Variants in MCCC1 observed in about 807,000 individuals in gnomAD.
MCCC1 encodes methylcrotonyl-CoA carboxylase subunit 1, also known as methylcrotonoyl-CoA carboxylase subunit alpha, mitochondrial.
Under a neutral mutation model 83.8 loss-of-function variants are expected in MCCC1, and 64 were observed. That is an observed-to-expected ratio of 0.76 (90% CI 0.62 to 0.94). The LOEUF is 0.94. MCCC1 is among the 40% of genes least tolerant of loss of function. MCCC1 has a pLI of 0.00. For missense variants in MCCC1, 807 were observed against 904.7 expected, an observed-to-expected ratio of 0.89 and a Z score of 1.39; for synonymous variants, 322 against 315.4, an observed-to-expected ratio of 1.02 and a Z score of -0.22.
upstream of MCCC1, among the ~76,000 whole-genome samples, chr3:183,101,030 T>A (rs1327191324): frequency 7.2e-5 from 11 of 152,262 alleles, no homozygotes; most frequent in Admixed American, 2.0e-4. Context: ...AATGGGGGAC[T>A]TAGCACCCGG....
chr3:183,099,193 C>T (rs1000563242), intron 1 of MCCC1, 159 bp downstream of exon 1: 10 of 762,048 alleles, frequency 1.3e-5, no homozygotes, highest in Non-Finnish European at 2.2e-5. Context: ...TTCCTCCCGA[C>T]GCCGTGACTG....
intron 9 of MCCC1, among the ~76,000 whole-genome samples, chr3:183,046,542 C>T (rs1483812008): frequency 3.3e-5 from 5 of 151,968 alleles, no homozygotes; most frequent in East Asian, 3.9e-4. Flanking sequence ...GGACCACAGG[C>T]GCACACCACT....
rs372410742 is a variant in MCCC1, at chr3:183,032,570, T to G, written c.1681+1421A>C. Reference sequence around the variant, plus strand: ...CTGAAGAGCTGTAACCCAATAAACTTGTGTGAACAAAATATTTGTTACTGG... The same window carrying G: ...CTGAAGAGCTGTAACCCAATAAACTGGTGTGAACAAAATATTTGTTACTGG... On this transcript the variant is annotated intron_variant, in intron 14 of 18. Transcript: ENST00000265594. Among the ~76,000 whole-genome samples the G allele has an allele frequency of 2.0e-4, 31 of 152,266 alleles. No homozygotes were observed. The South Asian group carries it at 2.1e-3, about 10-fold the overall frequency.
chr3:183,065,333 C>T (rs1384476063), intron 7 of MCCC1, among the ~76,000 whole-genome samples: 1 of 152,066 alleles, frequency 6.6e-6, no homozygotes, highest in East Asian at 1.9e-4. Flanking sequence ...GGATTCAGTT[C>T]CTGGCTTAGG....
At chr3:183,054,181 C>A (rs1715227652) in intron 8 of MCCC1, among the ~76,000 whole-genome samples, 1 of 141,952 alleles carries the variant, frequency 7.0e-6, no homozygotes, top group South Asian at 2.3e-4. Context: ...CATACCCAGC[C>A]AAGAAAATTT....
At chr3:183,059,512 C>G (rs1212132891) in intron 7 of MCCC1, among the ~76,000 whole-genome samples, 1 of 152,128 alleles carries the variant, frequency 6.6e-6, no homozygotes, top group African/African-American at 2.4e-5. Flanking sequence ...TTTAAACAAA[C>G]TGTTATCTGT....
chr3:183,075,184 ATG>A (rs1716978050), intron 4 of MCCC1, among the ~76,000 whole-genome samples: 1 of 152,166 alleles, frequency 6.6e-6, no homozygotes, highest in Admixed American at 6.5e-5. Context: ...ATACATGCAC[ATG>A]TGTCTTTATG....
chr3:183,022,537 G>A lies in MCCC1; in HGVS notation c.1749C>T (p.Phe583=), dbSNP rs2108441668. 6.2e-7 allele frequency: 1 copy of A among 1,613,116 alleles called. No individual in the cohort carries two copies. The highest frequency in any genetic ancestry group is 1.7e-5 in the Admixed American group (1 of 59,974). Residue 583 remains phenylalanine, a synonymous_variant, in exon 16 of 19, where the codon TTC becomes TTT. Coordinates refer to ENST00000265594, the MANE Select transcript of MCCC1 (RefSeq NM_020166.5). Reference sequence around the variant, plus strand: ...CGCTGTAAAGATTACCAAGGACTTGGAAAGTTTTATCTTCAATCTGAAAAA... The same window carrying A: ...CGCTGTAAAGATTACCAAGGACTTGAAAAGTTTTATCTTCAATCTGAAAAA... The part of the protein sequence containing the change: ...SYSMQIEDKT[F]QVLGNLYSEG...
At chr3:183,072,264 A>G in intron 5 of MCCC1, 102 bp downstream of exon 5, 1 of 1,356,268 alleles carries the variant, frequency 7.4e-7, no homozygotes. Context: ...CTCCTGCCTC[A>G]GTCTCCCAAA....
At chr3:183,067,876 T>G (rs2108520844) in intron 7 of MCCC1, among the ~76,000 whole-genome samples, 1 of 152,312 alleles carries the variant, frequency 6.6e-6, no homozygotes, top group Non-Finnish European at 1.5e-5. Context: ...AGGATAAGCT[T>G]ACCAAATTTT....
At chr3:183,032,095 T>C (rs955836871) in intron 14 of MCCC1, among the ~76,000 whole-genome samples, 4 of 152,196 alleles carry the variant, frequency 2.6e-5, no homozygotes, top group Middle Eastern at 3.2e-3. Context: ...ATTATTTTCA[T>C]AGAATACTGC....
intron 4 of MCCC1, among the ~76,000 whole-genome samples, chr3:183,084,916 A>G (rs1717779454): frequency 6.6e-6 from 1 of 152,192 alleles, no homozygotes; most frequent in Non-Finnish European, 1.5e-5. Flanking sequence ...AAACAAATTG[A>G]GGACTATGTA....
chr3:183,103,914 C>A (rs573090853), upstream of MCCC1, among the ~76,000 whole-genome samples: 1 of 152,300 alleles, frequency 6.6e-6, no homozygotes, highest in Non-Finnish European at 1.5e-5. Flanking sequence ...CAAGGCCCGG[C>A]GAGAAATCCA....
At position 183,062,934 on chromosome 3, in the gene MCCC1, T is replaced by C. The variant is rs1715957967; in HGVS notation, c.762-5512A>G. On this transcript the variant is annotated intron_variant, in intron 7 of 18. Coordinates refer to ENST00000265594, the MANE Select transcript of MCCC1 (RefSeq NM_020166.5). ...GAGACAGACAGATGCAGTTGAGTCC[T>C]ATCATGAGCGCCTTGATATTTTCTA... Among the ~76,000 whole-genome samples the C allele has an allele frequency of 3.3e-5, 5 of 152,262 alleles. No homozygotes were observed. The South Asian group carries it at 1.0e-3, about 32-fold the overall frequency.
At chr3:183,090,030 T>C (rs1019879960) in intron 3 of MCCC1, among the ~76,000 whole-genome samples, 2 of 152,106 alleles carry the variant, frequency 1.3e-5, no homozygotes, top group Non-Finnish European at 1.5e-5. Flanking sequence ...TATAGGAGTA[T>C]ATAAAATGAT....
intron 1 of MCCC1, among the ~76,000 whole-genome samples, chr3:183,109,555 C>T (rs1560296835): frequency 6.6e-6 from 1 of 152,212 alleles, no homozygotes; most frequent in Non-Finnish European, 1.5e-5. Flanking sequence ...TGGCCTCCAG[C>T]TGCATCCATG....
chr3:183,107,783 C>T (rs1354650567), intron 1 of MCCC1, among the ~76,000 whole-genome samples: 3 of 152,006 alleles, frequency 2.0e-5, no homozygotes, highest in African/African-American at 7.3e-5. Flanking sequence ...CTCCTGACCT[C>T]AAGTGATCCG....
chr3:183,057,869 G>A (rs1715542593), intron 7 of MCCC1, among the ~76,000 whole-genome samples: 1 of 152,118 alleles, frequency 6.6e-6, no homozygotes, highest in Non-Finnish European at 1.5e-5. Flanking sequence ...GAGAGACCCT[G>A]TCAAAACAAA....
chr3:183,077,972 G>A (rs569402277), intron 4 of MCCC1, among the ~76,000 whole-genome samples: 45 of 152,220 alleles, frequency 3.0e-4, no homozygotes, highest in African/African-American at 1.0e-3. Context: ...CTGTTCTACT[G>A]ACCTGTTTTT....
Sources: allele counts gnomAD v4.1 joint callset (sites outside exome capture counted in the v4.1 genomes callset), GRCh38; gene constraint gnomAD v4.1.1; transcripts MANE v1.5; gene names NCBI Gene and HGNC (gene_info 2026-07-23, HGNC 2026-07-21).